The following POLRMT variants were observed in gnomAD, a reference collection of about 807,000 sequenced individuals.
POLRMT encodes RNA polymerase mitochondrial, also known as DNA-directed RNA polymerase, mitochondrial.
Under a neutral mutation model 132.2 loss-of-function variants are expected in POLRMT, and 114 were observed. The observed-to-expected ratio is 0.86, with a 90% CI of 0.74 to 1.01. POLRMT has a LOEUF of 1.01. Among genes scored for constraint, POLRMT ranks in the 50% least tolerant of loss-of-function variants. The pLI is 0.00. For synonymous variants in POLRMT, 1,020 were observed against 773.4 expected (o/e 1.32, Z -5.29); for missense variants, 2,003 against 1,729.1 (o/e 1.16, Z -2.81).
Position 621,422 on chromosome 19 carries a change from C to A in POLRMT, c.2276G>T (p.Arg759Leu), listed in dbSNP as rs61743194. ...SAAPARKAELRRELAHCQKVA... is the reference protein window; with the variant it reads ...SAAPARKAELLRELAHCQKVA... ...CTTCTGGCAGTGCGCCAGCTCACGGCGCAGCTCGGCCTTGCGGGCGGGCGC... is the reference window on the plus strand; with the variant it reads ...CTTCTGGCAGTGCGCCAGCTCACGGAGCAGCTCGGCCTTGCGGGCGGGCGC... Residue 759 changes from arginine to leucine, a missense_variant, in exon 10 of 21, where the codon CGC (arginine) becomes CTC (leucine). Arg to Leu is a moderately radical substitution (Grantham distance 102). Coordinates refer to ENST00000588649, the MANE Select transcript of POLRMT (RefSeq NM_005035.4). 2.0e-6 allele frequency: 3 copies of A among 1,485,868 alleles called. No individual in the cohort carries two copies. The highest frequency in any genetic ancestry group is 2.7e-5 in the East Asian group (1 of 37,028). The allele number at this position is 1,485,868 out of a possible 1,614,324, so 92.0% of individuals were successfully genotyped here.
At chr19:629,169 C>T (rs1311649865) in intron 3 of POLRMT, among the ~76,000 whole-genome samples, 7 of 152,022 alleles carry the variant, frequency 4.6e-5, no homozygotes, top group Non-Finnish European at 8.8e-5. Context: ...CACAGCAGCC[C>T]GACCTTCCAC....
chr19:622,905 C>A lies in POLRMT; in HGVS notation c.1371G>T (p.Glu457Asp). Reference protein sequence around the residue: ...RALRETKNRLEREVYEGRFSL... With the variant: ...RALRETKNRLDREVYEGRFSL... ...AGAACCGGCCCTCGTACACCTCGCG[C>A]TCTAGGCGGTTCTTGGTCTCCCGCA... The change falls in exon 7 of 21, where the codon GAG becomes GAT. Residue 457 changes from glutamate (E) to aspartate (D), a missense_variant. By Grantham distance (45) the Glu-to-Asp change is conservative. Coordinates refer to ENST00000588649, the MANE Select transcript of POLRMT (RefSeq NM_005035.4). The A allele has an allele frequency of 6.2e-7, 1 of 1,612,644 alleles. No individual in the cohort carries two copies.
At position 619,179 on chromosome 19, in the gene POLRMT, C is replaced by T; in HGVS notation, c.3153+31G>A. 3.7e-6 allele frequency: 6 copies of T among 1,610,864 alleles called. No homozygotes were observed. In the Middle Eastern group the frequency reaches 5.0e-4, roughly 134 times the overall value. On this transcript the variant is annotated intron_variant, in intron 14 of 20. Transcript: ENST00000588649. The stretch of plus-strand genomic sequence containing the variant: ...GATCCCGTCCACTTGCTTAGGGAGT[C>T]CTGGCCGAGCGGGGACAGGACAGGA...
At chr19:617,529 G>GC in intron 19 of POLRMT, 41 bp downstream of exon 19, 1 of 1,580,096 alleles carries the variant, frequency 6.3e-7, no homozygotes, top group South Asian at 1.1e-5. Context: ...GTTTTGGGGT[G>GC]GGGGGGGAAT....
chr19:617,919 C>T, intron 17 of POLRMT, 70 bp from the exon 18 acceptor site: 6 of 1,449,336 alleles, frequency 4.1e-6, no homozygotes, highest in East Asian at 2.3e-5. Context: ...GCATCCTGGC[C>T]CTGCGCTCAG....
At position 623,614 on chromosome 19, in the gene POLRMT, G is replaced by T; in HGVS notation, c.1141-11C>A. On this transcript the variant is annotated splice_polypyrimidine_tract_variant and intron_variant, in intron 5 of 20. Transcript: ENST00000588649. ...GGACACACGCCCATCCTGCAGGGAT[G>T]GGGGTAGTGAGGTTGGGGGCTTGCC... 1 of 1,612,904 alleles carries T rather than the reference G, an allele frequency of 6.2e-7. No homozygotes were observed. Among genetic ancestry groups the T allele is most frequent in the South Asian group, 1.1e-5 (1 of 91,066 alleles).
In POLRMT at chr19:621,845, A is replaced by G. The variant is rs761798583; in HGVS notation, c.1853T>C (p.Ile618Thr). ...GGCCGGGTGCGGCTTCAGGATGCCG[A>G]TCTGGGGTGCGACAGGCAGACGGGT... ...HVYSFRNVQQ[I>T]GILKPHPAYV... The change falls in exon 10 of 21, where the codon ATC becomes ACC. Residue 618 changes from isoleucine to threonine, a missense_variant and splice_region_variant. Physicochemically the swap from Ile to Thr is moderately conservative, Grantham distance 89 (BLOSUM62 -1). Transcript: ENST00000588649. The G allele has an allele frequency of 1.9e-6, 3 of 1,601,682 alleles. No homozygotes were observed. Among genetic ancestry groups the G allele is most frequent in the Non-Finnish European group, 2.5e-6 (3 of 1,179,750 alleles).
At chr19:627,587 C>T (rs926732135) in intron 3 of POLRMT, among the ~76,000 whole-genome samples, 2 of 152,058 alleles carry the variant, frequency 1.3e-5, no homozygotes, top group Non-Finnish European at 1.5e-5. Flanking sequence ...TTGGCAGATG[C>T]GGAAAATTCC....
intron 13 of POLRMT, 132 bp downstream of exon 13, chr19:619,454 G>A (rs1005185662): frequency 7.9e-6 from 11 of 1,387,870 alleles, no homozygotes; most frequent in East Asian, 7.0e-5. Flanking sequence ...AAACGCCCAA[G>A]CCCTAACAGG....
At chr19:619,328 CAG>C (rs773726213) in intron 13 of POLRMT, 32 bp from the exon 14 acceptor site, 125 of 1,600,062 alleles carry the variant, frequency 7.8e-5, no homozygotes, top group Non-Finnish European at 1.0e-4. Context: ...TGCAGGTCCT[CAG>C]GGGCTGGCCC....
intron 3 of POLRMT, among the ~76,000 whole-genome samples, chr19:626,489 TTTTCA>T (rs964324425): frequency 6.6e-6 from 1 of 150,800 alleles, no homozygotes; most frequent in African/African-American, 2.4e-5. Flanking sequence ...ATTTTTTTTT[TTTTCA>T]TTTAATTTTT....
chr19:624,436 C>T (rs184405890), intron 5 of POLRMT, among the ~76,000 whole-genome samples: 118 of 152,352 alleles, frequency 7.7e-4, no homozygotes, highest in African/African-American at 2.8e-3. Flanking sequence ...GACGAGCCCA[C>T]TGCGTGCACC....
At chr19:618,881 G>A (rs771251144) in intron 15 of POLRMT, 116 bp downstream of exon 15, 5 of 1,369,812 alleles carry the variant, frequency 3.7e-6, no homozygotes, top group Non-Finnish European at 5.0e-6. Flanking sequence ...GCGGGATGGG[G>A]TGGCACACTG....
chr19:633,034 TA>T (rs904793386), intron 1 of POLRMT, 96 bp from the exon 2 acceptor site: 86 of 853,288 alleles, frequency 1.0e-4, no homozygotes, highest in Non-Finnish European at 1.4e-4. Flanking sequence ...AAAGGAGCCC[TA>T]AACGCAGCGG....
chr19:627,505 C>T (rs559459009), intron 3 of POLRMT, among the ~76,000 whole-genome samples: 38 of 152,256 alleles, frequency 2.5e-4, no homozygotes, highest in Middle Eastern at 3.4e-3. Flanking sequence ...ACTGGCCACA[C>T]ATAGTCCTTA....
chr19:618,374 T>C, intron 17 of POLRMT, 114 bp downstream of exon 17: 1 of 784,638 alleles, frequency 1.3e-6, no homozygotes, highest in Non-Finnish European at 2.0e-6. Flanking sequence ...ACACAGCAGA[T>C]CCACTCTGCC....
chr19:631,167 A>G (rs1353204610), intron 2 of POLRMT, among the ~76,000 whole-genome samples: 6 of 151,704 alleles, frequency 4.0e-5, no homozygotes. Flanking sequence ...TAAAAAAAAA[A>G]GACTGTTGAA....
chr19:620,504 T>G lies in POLRMT; in HGVS notation c.2641-17A>C, dbSNP rs41549114. 2.4e-5 allele frequency: 37 copies of G among 1,552,192 alleles called. No individual in the cohort carries two copies. In the East Asian group the frequency reaches 8.1e-4, roughly 34 times the overall value. Reference sequence around the variant, plus strand: ...CTTTCGGCCCTGCGGGGACAGCGGATGGGGGGCAGTGAGGCCCGGGCCCGA... The same window carrying G: ...CTTTCGGCCCTGCGGGGACAGCGGAGGGGGGGCAGTGAGGCCCGGGCCCGA... On this transcript the variant is annotated splice_polypyrimidine_tract_variant and intron_variant, in intron 10 of 20. Coordinates refer to ENST00000588649, the MANE Select transcript of POLRMT (RefSeq NM_005035.4).
At position 624,916 on chromosome 19, in the gene POLRMT, G is replaced by C; in HGVS notation, c.954-11C>G. 6.3e-7 allele frequency: 1 copy of C among 1,598,784 alleles called. No homozygotes were observed. On this transcript the variant is annotated splice_polypyrimidine_tract_variant and intron_variant, in intron 4 of 20. Transcript: ENST00000588649. Reference sequence around the variant, plus strand: ...ATCTGTTCCAGACACCTGTGGTGCAGGCGGCCTGCTCGAGGGACGGGCCAG... The same window carrying C: ...ATCTGTTCCAGACACCTGTGGTGCACGCGGCCTGCTCGAGGGACGGGCCAG...
Sources: allele counts gnomAD v4.1 joint callset (sites outside exome capture counted in the v4.1 genomes callset), GRCh38; gene constraint gnomAD v4.1.1; transcripts MANE v1.5; gene names NCBI Gene and HGNC (gene_info 2026-07-23, HGNC 2026-07-21).